FAM13C: variants seen among roughly 807,000 people sequenced by gnomAD.
The protein encoded by FAM13C is protein FAM13C.
A neutral mutation model predicts 73.2 loss-of-function variants in FAM13C; 37 were observed. The ratio of observed to expected loss-of-function variants is 0.51; its 90% confidence interval spans 0.39 to 0.67. The LOEUF is 0.67. Among genes scored for constraint, FAM13C ranks in the 30% least tolerant of loss-of-function variants. The pLI is 0.00. For synonymous variants in FAM13C, 246 were observed against 260.9 expected (o/e 0.94, Z 0.55); for missense variants, 589 against 715.6 (o/e 0.82, Z 2.02).
At chr10:59,345,529 C>T (rs1854187512) in intron 3 of FAM13C, among the ~76,000 whole-genome samples, 1 of 152,172 alleles carries the variant, frequency 6.6e-6, no homozygotes, top group South Asian at 2.1e-4. Context: ...ATTTTACAGA[C>T]ATCCCAGGTT....
intron 3 of FAM13C, among the ~76,000 whole-genome samples, chr10:59,335,088 T>C (rs1257281540): frequency 3.3e-5 from 5 of 152,172 alleles, no homozygotes; most frequent in Admixed American, 2.6e-4. Flanking sequence ...CCAACTTTCA[T>C]TTTATCAAAG....
At chr10:59,327,799 G>C (rs1310227902) in intron 3 of FAM13C, 1 of 152,172 alleles carries the variant, frequency 6.6e-6, no homozygotes, top group Admixed American at 6.6e-5. Flanking sequence ...TTATAGAGAA[G>C]TGAATAAGAC....
At position 59,251,465 on chromosome 10, in the gene FAM13C, A is replaced by T. The variant is rs78017050; in HGVS notation, c.1634+110T>A. 2.1e-3 allele frequency: 1,856 copies of T among 899,158 alleles called. 9 individuals carry two copies. Among genetic ancestry groups the T allele is most frequent in the African/African-American group, 0.011 (681 of 60,682 alleles). 55.7% of individuals were successfully genotyped at this position (899,158 alleles called of 1,614,324 possible). A position where few individuals can be genotyped will look rare whatever the true frequency, so the allele number is the denominator to read the frequency against. On this transcript the variant is annotated intron_variant, in intron 13 of 13. Coordinates refer to ENST00000618804, the MANE Select transcript of FAM13C (RefSeq NM_198215.4). ...ATCCTGAGTCTAAGCCAGTGTGGAA[A>T]TTATATACATTTTGTAAAAAGTCAC...
intron 3 of FAM13C, among the ~76,000 whole-genome samples, chr10:59,335,223 T>G (rs1459538230): frequency 6.6e-6 from 1 of 152,218 alleles, no homozygotes; most frequent in Non-Finnish European, 1.5e-5. Context: ...GATCTCCCTT[T>G]AGAAAGCATG....
At chr10:59,287,512 A>G (rs1427753975) in intron 5 of FAM13C, among the ~76,000 whole-genome samples, 1 of 151,842 alleles carries the variant, frequency 6.6e-6, no homozygotes, top group African/African-American at 2.4e-5. Flanking sequence ...GCCTGTCTCA[A>G]ATTTGTAAGT....
intron 3 of FAM13C, among the ~76,000 whole-genome samples, chr10:59,334,226 T>C (rs1852416451): frequency 6.6e-6 from 1 of 152,206 alleles, no homozygotes; most frequent in Non-Finnish European, 1.5e-5. Flanking sequence ...GGAAATGGAA[T>C]ATTATGTATG....
At chr10:59,252,414 A>G (rs1459424433) in intron 12 of FAM13C, among the ~76,000 whole-genome samples, 1 of 152,154 alleles carries the variant, frequency 6.6e-6, no homozygotes, top group Admixed American at 6.6e-5. Flanking sequence ...TCTCTGACAG[A>G]CACTTCTGTC....
chr10:59,324,393 T>C (rs1487945566), intron 3 of FAM13C, among the ~76,000 whole-genome samples: 1 of 152,022 alleles, frequency 6.6e-6, no homozygotes, highest in Non-Finnish European at 1.5e-5. Flanking sequence ...AAAAATGATG[T>C]CATGGAAGAA....
intron 13 of FAM13C, among the ~76,000 whole-genome samples, chr10:59,250,393 T>C (rs1292182808): frequency 6.6e-6 from 1 of 152,208 alleles, no homozygotes; most frequent in Non-Finnish European, 1.5e-5. Flanking sequence ...TTACTTAACA[T>C]CACCAAAAAG....
chr10:59,355,770 G>A (rs1241730629), intron 2 of FAM13C, 117 bp downstream of exon 2: 8 of 1,063,536 alleles, frequency 7.5e-6, no homozygotes, highest in Non-Finnish European at 1.1e-5. Flanking sequence ...TAGAAGAGAT[G>A]AGACATGAGA....
chr10:59,262,770 C>T, intron 9 of FAM13C, 125 bp from the exon 10 acceptor site: 1 of 765,196 alleles, frequency 1.3e-6, no homozygotes, highest in South Asian at 1.8e-5. Flanking sequence ...GATGGCTTTC[C>T]ACAGGGCAAC....
chr10:59,283,572 C>A, intron 5 of FAM13C, 125 bp from the exon 6 acceptor site: 14 of 897,610 alleles, frequency 1.6e-5, no homozygotes, highest in Non-Finnish European at 2.4e-5. Context: ...ACAGTGTGTC[C>A]GCAGCTCCCG....
chr10:59,311,612 C>A (rs1416145877), intron 4 of FAM13C, among the ~76,000 whole-genome samples: 3 of 152,224 alleles, frequency 2.0e-5, no homozygotes, highest in African/African-American at 7.2e-5. Flanking sequence ...CCACCTCAAG[C>A]CTCTGCCAAG....
At chr10:59,257,265 G>T (rs999241530) in intron 10 of FAM13C, among the ~76,000 whole-genome samples, 4 of 152,196 alleles carry the variant, frequency 2.6e-5, no homozygotes, top group Non-Finnish European at 5.9e-5. Flanking sequence ...TCAAGTAGGT[G>T]ATTTGAATCA....
intron 6 of FAM13C, among the ~76,000 whole-genome samples, chr10:59,276,470 T>G (rs1263461939): frequency 1.3e-5 from 2 of 152,164 alleles, no homozygotes; most frequent in Non-Finnish European, 2.9e-5. Flanking sequence ...CATGCCATTC[T>G]AACAACAATC....
At chr10:59,281,833 A>C (rs1246779559) in intron 6 of FAM13C, among the ~76,000 whole-genome samples, 1 of 152,218 alleles carries the variant, frequency 6.6e-6, no homozygotes, top group African/African-American at 2.4e-5. Context: ...TATTTTACTG[A>C]ACACTTTGTC....
intron 4 of FAM13C, among the ~76,000 whole-genome samples, chr10:59,321,991 A>G (rs1171664772): frequency 6.6e-6 from 1 of 152,090 alleles, no homozygotes; most frequent in Non-Finnish European, 1.5e-5. Context: ...TTCACTCTGA[A>G]CCAGACCTAG....
intron 4 of FAM13C, among the ~76,000 whole-genome samples, chr10:59,319,597 C>G (rs1344152451): frequency 6.6e-6 from 1 of 152,164 alleles, no homozygotes; most frequent in African/African-American, 2.4e-5. Flanking sequence ...TTGGCAGCGG[C>G]TTTAGCTTTA....
At chr10:59,287,997 C>T (rs1297637271) in intron 5 of FAM13C, among the ~76,000 whole-genome samples, 1 of 152,184 alleles carries the variant, frequency 6.6e-6, no homozygotes, top group Non-Finnish European at 1.5e-5. Flanking sequence ...GAGAGAAAAG[C>T]AAACAGGCAC....
Sources: allele counts gnomAD v4.1 joint callset (sites outside exome capture counted in the v4.1 genomes callset), GRCh38; gene constraint gnomAD v4.1.1; transcripts MANE v1.5; gene names NCBI Gene and HGNC (gene_info 2026-07-23, HGNC 2026-07-21).